The following SLC44A5 variants were observed in gnomAD, a reference collection of about 807,000 sequenced individuals.
SLC44A5 encodes solute carrier family 44 member 5.
A neutral mutation model predicts 101.8 loss-of-function variants in SLC44A5; 57 were observed. The ratio of observed to expected loss-of-function variants is 0.56; its 90% CI spans 0.45 to 0.70. The LOEUF (loss-of-function observed/expected upper bound fraction) is 0.70. Ranked by LOEUF, SLC44A5 falls within the 30% of genes least tolerant of loss-of-function variation. The pLI, the probability that SLC44A5 is intolerant of heterozygous loss-of-function variation, is 0.00. For synonymous variants in SLC44A5, 281 were observed against 290.9 expected (o/e 0.97, Z 0.35); for missense variants, 737 against 853.1 (o/e 0.86, Z 1.70).
chr1:75,415,511 C>A lies in SLC44A5; in HGVS notation c.14-18890G>T, dbSNP rs191634368. Among the ~76,000 whole-genome samples the A allele has an allele frequency of 3.3e-5, 5 of 152,206 alleles. No individual in the cohort carries two copies. The East Asian group carries it at 9.7e-4, about 29-fold the overall frequency. The stretch of plus-strand genomic sequence containing the variant: ...TCTTTATCACAAGTGTGAAAACAGA[C>A]TAATACAGTAAATTGATATCAGTAG... On this transcript the variant is annotated intron_variant, in intron 2 of 23. Coordinates refer to ENST00000370859, the MANE Select transcript of SLC44A5 (RefSeq NM_001130058.2).
intron 2 of SLC44A5, among the ~76,000 whole-genome samples, chr1:75,520,282 C>A (rs1291191437): frequency 6.6e-6 from 1 of 152,014 alleles, no homozygotes; most frequent in Non-Finnish European, 1.5e-5. Flanking sequence ...TTGCTTGAGC[C>A]CAGGAGTTCA....
chr1:75,686,829 A>G, the SLC44A5 span, among the ~76,000 whole-genome samples: 1 of 152,228 alleles, frequency 6.6e-6, no homozygotes, highest in Non-Finnish European at 1.5e-5. Context: ...ATATTTGGAT[A>G]GTACAGTCAA....
chr1:75,254,695 AG>A (rs1037474521), intron 6 of SLC44A5, among the ~76,000 whole-genome samples: 1 of 151,984 alleles, frequency 6.6e-6, no homozygotes, highest in African/African-American at 2.4e-5. Context: ...ATGCACATAC[AG>A]GGGTACAGGG....
chr1:75,696,711 T>G, the SLC44A5 span, among the ~76,000 whole-genome samples: 1 of 151,212 alleles, frequency 6.6e-6, no homozygotes, highest in Non-Finnish European at 1.5e-5. Context: ...CTGGCTAACA[T>G]GGTGAAACCC....
chr1:75,560,040 C>G (rs1672435347), intron 1 of SLC44A5, among the ~76,000 whole-genome samples: 1 of 152,096 alleles, frequency 6.6e-6, no homozygotes, highest in South Asian at 2.1e-4. Context: ...GCAGTAACAA[C>G]TGTTGGTAAG....
chr1:75,441,061 C>A (rs563554984), intron 2 of SLC44A5, among the ~76,000 whole-genome samples: 143 of 152,000 alleles, frequency 9.4e-4, no homozygotes, highest in African/African-American at 3.4e-3. Flanking sequence ...AGGTTAATTA[C>A]AGCACAAATG....
chr1:75,624,485 A>G, the SLC44A5 span, among the ~76,000 whole-genome samples: 1 of 152,016 alleles, frequency 6.6e-6, no homozygotes, highest in Non-Finnish European at 1.5e-5. Context: ...TTACAAATGG[A>G]GTTTACACTA....
chr1:75,495,005 G>T (rs535146969), intron 2 of SLC44A5, among the ~76,000 whole-genome samples: 3 of 152,202 alleles, frequency 2.0e-5, no homozygotes, highest in African/African-American at 7.2e-5. Context: ...AATTTGAGAG[G>T]CACCCAGAAT....
chr1:75,320,505 G>A (rs528922572), intron 4 of SLC44A5, among the ~76,000 whole-genome samples: 280 of 152,078 alleles, frequency 1.8e-3, no homozygotes, highest in African/African-American at 6.2e-3. Flanking sequence ...TTAGCATAAC[G>A]AAAAGAAAAA....
chr1:75,528,048 T>C (rs1296973315), intron 2 of SLC44A5, among the ~76,000 whole-genome samples: 1 of 152,226 alleles, frequency 6.6e-6, no homozygotes, highest in Non-Finnish European at 1.5e-5. Context: ...AATCCTACTA[T>C]ATTGATTGCT....
the SLC44A5 span, among the ~76,000 whole-genome samples, chr1:75,704,535 A>G: frequency 2.8e-3 from 434 of 152,320 alleles, 4 homozygotes; most frequent in African/African-American, 0.01. Context: ...TTTTCTCCCT[A>G]AAAAATCTGC....
intron 2 of SLC44A5, among the ~76,000 whole-genome samples, chr1:75,405,902 T>TA (rs1402156883): frequency 1.3e-5 from 2 of 149,806 alleles, no homozygotes; most frequent in Admixed American, 6.6e-5. Context: ...AAAAACCCTT[T>TA]AAAAAATCAA....
intron 6 of SLC44A5, among the ~76,000 whole-genome samples, chr1:75,269,598 A>T (rs1651289878): frequency 6.6e-6 from 1 of 152,090 alleles, no homozygotes; most frequent in African/African-American, 2.4e-5. Flanking sequence ...ATAAACATCC[A>T]ATTTTATTTT....
the SLC44A5 span, among the ~76,000 whole-genome samples, chr1:75,698,427 C>T: frequency 6.6e-6 from 1 of 152,138 alleles, no homozygotes; most frequent in African/African-American, 2.4e-5. Context: ...CTCCAACAGA[C>T]CTGCAACTGA....
At chr1:75,614,088 G>A (rs899857089), upstream of SLC44A5, among the ~76,000 whole-genome samples, 2 of 152,224 alleles carry the variant, frequency 1.3e-5, no homozygotes, top group Non-Finnish European at 2.9e-5. Context: ...CACATCAGCA[G>A]TGCTGAAAAC....
chr1:75,572,470 C>A (rs895413474), intron 1 of SLC44A5, among the ~76,000 whole-genome samples: 4 of 152,188 alleles, frequency 2.6e-5, no homozygotes, highest in Admixed American at 2.6e-4. Flanking sequence ...AGAAGTATAA[C>A]TTCCATAGAC....
intron 2 of SLC44A5, among the ~76,000 whole-genome samples, chr1:75,434,408 C>T (rs769216824): frequency 6.6e-6 from 1 of 152,040 alleles, no homozygotes; most frequent in Non-Finnish European, 1.5e-5. Context: ...CGTTCCCAAC[C>T]CATTTTTTCA....
At chr1:75,384,559 A>C (rs2101278732) in intron 3 of SLC44A5, among the ~76,000 whole-genome samples, 2 of 95,162 alleles carry the variant, frequency 2.1e-5, no homozygotes, top group South Asian at 8.7e-4. Context: ...TCATAAAGCA[A>C]GTCCTGAGTG....
At chr1:75,354,437 A>C (rs1044722863) in intron 3 of SLC44A5, among the ~76,000 whole-genome samples, 1 of 152,176 alleles carries the variant, frequency 6.6e-6, no homozygotes, top group Non-Finnish European at 1.5e-5. Context: ...CACTCCCATT[A>C]TCTCAAGCAG....
Sources: allele counts gnomAD v4.1 joint callset (sites outside exome capture counted in the v4.1 genomes callset), GRCh38; gene constraint gnomAD v4.1.1; transcripts MANE v1.5; gene names NCBI Gene and HGNC (gene_info 2026-07-23, HGNC 2026-07-21).